AMPH: variants seen among roughly 807,000 people sequenced by gnomAD.
The protein encoded by AMPH is amphiphysin (Stiff-Mann syndrome with breast cancer 128kD autoantigen).
A neutral mutation model predicts 99.1 loss-of-function variants in AMPH; 49 were observed. The observed-to-expected ratio is 0.49, with a 90% CI of 0.39 to 0.63. AMPH has a LOEUF of 0.63. Ranked by LOEUF, AMPH falls within the 20% of genes least tolerant of loss-of-function variation. AMPH has a pLI of 0.00. For missense variants in AMPH, 759 were observed against 863.4 expected (o/e 0.88, Z 1.52); for synonymous variants, 314 against 317.3 (o/e 0.99, Z 0.11).
At chr7:38,417,175 A>G (rs1485299320) in intron 17 of AMPH, among the ~76,000 whole-genome samples, 8 of 152,234 alleles carry the variant, frequency 5.3e-5, no homozygotes, top group Admixed American at 4.6e-4. Flanking sequence ...TACTTGGTAC[A>G]TATCAGAGCT....
intron 1 of AMPH, among the ~76,000 whole-genome samples, chr7:38,629,215 T>G (rs1483879070): frequency 6.6e-6 from 1 of 152,190 alleles, no homozygotes; most frequent in African/African-American, 2.4e-5. Context: ...TTTACCTGGA[T>G]GCCAACATGC....
intron 1 of AMPH, among the ~76,000 whole-genome samples, chr7:38,611,054 G>C (rs1001006399): frequency 6.6e-6 from 1 of 152,170 alleles, no homozygotes; most frequent in Middle Eastern, 3.2e-3. Flanking sequence ...TAGACAAGAG[G>C]TGTAAACAAA....
intron 15 of AMPH, 77 bp from the exon 16 acceptor site, chr7:38,422,554 G>GTATC (rs57006229): frequency 0.15 from 119,814 of 780,522 alleles, 8,639 homozygotes; most frequent in South Asian, 0.19. Context: ...GTCTGCCTAC[G>GTATC]TATCTATCTA....
At chr7:38,481,644 G>A (rs914195272) in intron 5 of AMPH, among the ~76,000 whole-genome samples, 3 of 152,054 alleles carry the variant, frequency 2.0e-5, no homozygotes, top group Admixed American at 6.6e-5. Flanking sequence ...AGGGTATCCC[G>A]CCAATCACAG....
At chr7:38,614,792 A>G (rs968949664) in intron 1 of AMPH, among the ~76,000 whole-genome samples, 1 of 152,196 alleles carries the variant, frequency 6.6e-6, no homozygotes, top group Non-Finnish European at 1.5e-5. Flanking sequence ...CTTAGGCATC[A>G]GATTTATTAA....
chr7:38,451,832 A>G (rs1787050302), intron 11 of AMPH, among the ~76,000 whole-genome samples: 1 of 152,112 alleles, frequency 6.6e-6, no homozygotes, highest in African/African-American at 2.4e-5. Flanking sequence ...AAAGAGAGAG[A>G]ATGGATTTCT....
In AMPH at chr7:38,517,084, G is replaced by T. The variant is rs116055494; in HGVS notation, c.151-13380C>A. On this transcript the variant is annotated intron_variant, in intron 2 of 20. Transcript: ENST00000356264. The stretch of plus-strand genomic sequence containing the variant: ...AAGGGTCTTGCTTTGTCTCAGATAA[G>T]ACTTTGAACTGTGGACTTTTGAGTT... Among the ~76,000 whole-genome samples, 319 of 152,294 alleles carry T rather than the reference G, an allele frequency of 2.1e-3. 1 individual carries two copies. The highest frequency in any genetic ancestry group is 7.5e-3 in the African/African-American group (311 of 41,552).
At chr7:38,427,645 G>A (rs1584075233) in intron 14 of AMPH, among the ~76,000 whole-genome samples, 1 of 35,456 alleles carries the variant, frequency 2.8e-5, no homozygotes, top group Non-Finnish European at 5.3e-5. Context: ...TGTTGATGCT[G>A]CTGCTTTTTT....
chr7:38,624,546 T>TAA (rs57099272), intron 1 of AMPH, among the ~76,000 whole-genome samples: 4,822 of 130,228 alleles, frequency 0.037, 304 homozygotes, highest in African/African-American at 0.13. Context: ...ACAGTCATGG[T>TAA]AAAAAAAAAA....
At chr7:38,525,598 G>A (rs1009851417) in intron 2 of AMPH, among the ~76,000 whole-genome samples, 4 of 151,712 alleles carry the variant, frequency 2.6e-5, no homozygotes, top group Non-Finnish European at 5.9e-5. Flanking sequence ...TAACCACATC[G>A]ACCCCAAACC....
chr7:38,465,627 A>C, intron 8 of AMPH, 78 bp from the exon 9 acceptor site: 1 of 1,299,580 alleles, frequency 7.7e-7, no homozygotes, highest in Non-Finnish European at 1.1e-6. Context: ...CCAAGAAAGA[A>C]ATTGCTTATT....
rs1785608058 is a variant in AMPH at position 38,422,324 on chromosome 7, C to G, written c.1272+97G>C. 7 of 991,102 alleles carry G rather than the reference C, an allele frequency of 7.1e-6. No individual in the cohort carries two copies. The South Asian group carries it at 1.1e-4, about 15-fold the overall frequency. The allele number at this position is 991,102 out of a possible 1,614,324, so 61.4% of individuals were successfully genotyped here. A position where few individuals can be genotyped will look rare whatever the true frequency, so the allele number is the denominator to read the frequency against. On this transcript the variant is annotated intron_variant, in intron 16 of 20. Coordinates refer to ENST00000356264, the MANE Select transcript of AMPH (RefSeq NM_001635.4). ...AAGTACAGGATCCAGAAACCACATTCTGGATATTCAAACTCTAGACAGCCT... is the reference window on the plus strand; with the variant it reads ...AAGTACAGGATCCAGAAACCACATTGTGGATATTCAAACTCTAGACAGCCT...
At chr7:38,598,040 C>T (rs1171098892) in intron 1 of AMPH, among the ~76,000 whole-genome samples, 2 of 152,108 alleles carry the variant, frequency 1.3e-5, no homozygotes, top group Non-Finnish European at 2.9e-5. Flanking sequence ...GTCATTTTTT[C>T]TTCAAATGAT....
chr7:38,493,404 G>A (rs1350877349), intron 4 of AMPH, among the ~76,000 whole-genome samples: 13 of 152,192 alleles, frequency 8.5e-5, no homozygotes, highest in Admixed American at 8.5e-4. Flanking sequence ...CAAACACTGA[G>A]TAGGTAGAGG....
intron 7 of AMPH, among the ~76,000 whole-genome samples, chr7:38,470,143 C>T (rs1179319969): frequency 1.3e-5 from 2 of 152,144 alleles, no homozygotes; most frequent in East Asian, 3.9e-4. Context: ...CCCCTGTTTG[C>T]CCCACATATC....
At chr7:38,591,416 T>C (rs1245140398) in intron 1 of AMPH, among the ~76,000 whole-genome samples, 1 of 151,988 alleles carries the variant, frequency 6.6e-6, no homozygotes. Context: ...GCCTCCCTAG[T>C]AGCTGGAATT....
intron 1 of AMPH, among the ~76,000 whole-genome samples, chr7:38,554,643 G>T (rs1030264019): frequency 6.6e-6 from 1 of 152,070 alleles, no homozygotes; most frequent in Non-Finnish European, 1.5e-5. Context: ...ATTATGAGTG[G>T]GCTAGAAACC....
intron 20 of AMPH, 33 bp from the exon 21 acceptor site, chr7:38,384,958 GCAAAC>G: frequency 1.3e-6 from 2 of 1,577,012 alleles, no homozygotes; most frequent in Non-Finnish European, 8.7e-7. Flanking sequence ...TCAGGGTCCA[GCAAAC>G]TACTGGAAAA....
chr7:38,608,559 G>C (rs750176193), intron 1 of AMPH, among the ~76,000 whole-genome samples: 2 of 152,090 alleles, frequency 1.3e-5, no homozygotes, highest in Non-Finnish European at 2.9e-5. Flanking sequence ...AAAACCCTCA[G>C]ACTTGAAACG....
Sources: gnomAD v4.1 joint callset for allele counts (sites outside exome capture counted in the v4.1 genomes callset) on GRCh38, gnomAD v4.1.1 for gene constraint, MANE v1.5 for transcripts, NCBI Gene and HGNC (gene_info 2026-07-23, HGNC 2026-07-21) for gene names.